EXOC3L4: variants seen among roughly 807,000 people sequenced by gnomAD.
The protein encoded by EXOC3L4 is exocyst complex component 3-like protein 4.
In EXOC3L4, 62 loss-of-function variants were observed where a neutral mutation model predicts 69.7. The observed-to-expected ratio is 0.89, with a 90% CI of 0.72 to 1.10. The LOEUF (loss-of-function observed/expected upper bound fraction) is 1.10. Ranked by LOEUF, EXOC3L4 falls within the 50% of genes least tolerant of loss-of-function variation. The probability of loss-of-function intolerance (pLI) is 0.00; values close to 1 mark genes in which losing one functional copy is unlikely to be tolerated. For missense variants in EXOC3L4, 1,087 were observed against 1,034.8 expected, an observed-to-expected ratio of 1.05 and a Z score of -0.69; for synonymous variants, 502 against 464.2, an observed-to-expected ratio of 1.08 and a Z score of -1.05.
In EXOC3L4 at chr14:103,106,797, C is replaced by T; in HGVS notation, c.1479C>T (p.Leu493=). ...GGCCCCTCCCCAGGACCAGTCTTCT[C>T]TCCAGGTTCCCAGGAACCCAAGAGG... ...NACEELRTSL[L]SRFPGTQEEL... is the part of the protein sequence containing the mutation. Residue 493 remains leucine, a synonymous_variant, in exon 8 of 12, where the codon CTC becomes CTT. Transcript: ENST00000688303. The T allele has an allele frequency of 6.3e-7, 1 of 1,583,902 alleles. No homozygotes were observed. The highest frequency in any genetic ancestry group is 2.3e-5 in the East Asian group (1 of 44,106).
At position 103,104,854 on chromosome 14, in the gene EXOC3L4, C is replaced by T. The variant is rs1890444346; in HGVS notation, c.1385+16C>T. 6.6e-7 allele frequency: 1 copy of T among 1,512,822 alleles called. No individual in the cohort carries two copies. Among genetic ancestry groups the T allele is most frequent in the East Asian group, 2.4e-5 (1 of 41,096 alleles). The allele number at this position is 1,512,822 out of a possible 1,614,324, so 93.7% of individuals were successfully genotyped here. The stretch of plus-strand genomic sequence containing the variant: ...TCGTGCCCAGGTGCGGACGCATCCT[C>T]AGTAGGGGAGCGACCTGGCCGGGTG... On this transcript the variant is annotated intron_variant, in intron 6 of 11. Transcript: ENST00000688303.
upstream of EXOC3L4, among the ~76,000 whole-genome samples, chr14:103,094,323 T>G (rs1477182308): frequency 6.6e-6 from 1 of 152,192 alleles, no homozygotes. Context: ...CGGGATGAAC[T>G]CGATGGACTG....
At chr14:103,106,693 T>C (rs909895239) in intron 7 of EXOC3L4, 92 bp from the exon 8 acceptor site, 5 of 733,188 alleles carry the variant, frequency 6.8e-6, no homozygotes, top group Non-Finnish European at 8.8e-6. Context: ...CCCTTCACAT[T>C]GTAGTCTAAG....
chr14:103,104,798 C>T lies in EXOC3L4; in HGVS notation c.1345C>T (p.Leu449=), dbSNP rs1890440210. Residue 449 remains leucine, a synonymous_variant, in exon 6 of 12, where the codon CTG becomes TTG. Coordinates refer to ENST00000688303, the MANE Select transcript of EXOC3L4 (RefSeq NM_001077594.2). ...CTCCGCGGAGCTGGAGGCCACCACCCTGCGAATCTGCACGCGGGCGCTCGG... is the reference window on the plus strand; with the variant it reads ...CTCCGCGGAGCTGGAGGCCACCACCTTGCGAATCTGCACGCGGGCGCTCGG... ...AISAELEATT[L]RICTRALGLF... is the part of the protein sequence containing the mutation. 6.6e-7 allele frequency: 1 copy of T among 1,525,032 alleles called. No homozygotes were observed. Among genetic ancestry groups the T allele is most frequent in the Non-Finnish European group, 8.8e-7 (1 of 1,131,762 alleles). The allele number at this position is 1,525,032 out of a possible 1,614,324, so 94.5% of individuals were successfully genotyped here. A position where few individuals can be genotyped will look rare whatever the true frequency, so the allele number is the denominator to read the frequency against.
Position 103,104,306 on chromosome 14 carries a change from G to A in EXOC3L4, c.1201G>A (p.Glu401Lys), listed in dbSNP as rs780560400. 1.3e-6 allele frequency: 2 copies of A among 1,596,670 alleles called. No individual in the cohort carries two copies. The highest frequency in any genetic ancestry group is 2.7e-5 in the African/African-American group (2 of 74,092). ...ASCFDSILQL[E>K]QSHWAAAEVP... ...CTGCTTCGACAGCATCTTGCAGCTG[G>A]AGCAGAGTCACTGGGCGGCCGCCGA... Residue 401 changes from glutamate to lysine, a missense_variant, in exon 5 of 12, where the codon GAG becomes AAG. Glu to Lys is a moderately conservative substitution (Grantham distance 56). Transcript: ENST00000688303.
At chr14:103,100,765 C>G (rs1890144599) in intron 2 of EXOC3L4, 152 bp downstream of exon 2, 9 of 1,102,446 alleles carry the variant, frequency 8.2e-6, no homozygotes, top group Middle Eastern at 3.1e-4. Context: ...GACAGGGTCT[C>G]CACTCTGTCA....
chr14:103,104,463 G>A, intron 5 of EXOC3L4, 74 bp downstream of exon 5: 3 of 1,430,490 alleles, frequency 2.1e-6, no homozygotes, highest in Non-Finnish European at 1.8e-6. Context: ...TTTCCAGAAC[G>A]AATTCCTATC....
At position 103,103,793 on chromosome 14, in the gene EXOC3L4, CGCGCGTGTGTGTGTGTGTGT is replaced by C. The variant is rs1890357987; in HGVS notation, c.1050-146_1050-127del. The C allele has an allele frequency of 1.3e-5, 6 of 454,132 alleles. No individual in the cohort carries two copies. The East Asian group carries it at 1.7e-4, about 13-fold the overall frequency. 28.1% of individuals were successfully genotyped at this position (454,132 alleles called of 1,614,324 possible). A position where few individuals can be genotyped will look rare whatever the true frequency, so the allele number is the denominator to read the frequency against. Reference sequence around the variant, plus strand: ...TGTGGCATGGCAGCCTAGAGGCGCGCGCGCGTGTGTGTGTGTGTGTGTGTGTGTGTGTGTGTACAGATGCC... The same window carrying C: ...TGTGGCATGGCAGCCTAGAGGCGCGCGTGTGTGTGTGTGTGTACAGATGCC... On this transcript the variant is annotated intron_variant, in intron 3 of 11. Coordinates refer to ENST00000688303, the MANE Select transcript of EXOC3L4 (RefSeq NM_001077594.2).
In EXOC3L4 at chr14:103,103,048, G is replaced by C. The variant is rs139660766; in HGVS notation, c.1049+276G>C. 4.8e-3 allele frequency among the ~76,000 whole-genome samples: 726 copies of C among 152,318 alleles called. 7 individuals carry two copies. Among genetic ancestry groups the C allele is most frequent in the African/African-American group, 0.017 (699 of 41,570 alleles). ...AGCAGGGCCTGTGCTGGTTCCACCA[G>C]GTGCCTTTGGGCGCATCAGAAAAGG... On this transcript the variant is annotated intron_variant, in intron 3 of 11. Coordinates refer to ENST00000688303, the MANE Select transcript of EXOC3L4 (RefSeq NM_001077594.2).
In EXOC3L4 at chr14:103,104,070, A is replaced by G; in HGVS notation, c.1161+18A>G. The G allele has an allele frequency of 6.5e-7, 1 of 1,536,402 alleles. No individual in the cohort carries two copies. On this transcript the variant is annotated intron_variant, in intron 4 of 11. Coordinates refer to ENST00000688303, the MANE Select transcript of EXOC3L4 (RefSeq NM_001077594.2). ...TCCTGGAGGTCAGGCCGGGCGGGTCAGGCTGGGCGGGCCAGGCTGGAGGGG... is the reference window on the plus strand; with the variant it reads ...TCCTGGAGGTCAGGCCGGGCGGGTCGGGCTGGGCGGGCCAGGCTGGAGGGG...
At chr14:103,107,032 G>A (rs1309182369) in intron 8 of EXOC3L4, 133 bp downstream of exon 8, 3 of 792,042 alleles carry the variant, frequency 3.8e-6, no homozygotes. Flanking sequence ...TAGGGTAGTG[G>A]GCAGGGGACC....
Position 103,100,199 on chromosome 14 carries a change from C to A in EXOC3L4, c.-16-5C>A. 6.4e-7 allele frequency: 1 copy of A among 1,551,658 alleles called. No individual in the cohort carries two copies. Among genetic ancestry groups the A allele is most frequent in the East Asian group, 2.3e-5 (1 of 43,570 alleles). ...GCTCCTATGGCCACTCCTTCTTGCC[C>A]CCAGCTCTCCTGCTGCCAAGATGCC... On this transcript the variant is annotated splice_region_variant and splice_polypyrimidine_tract_variant and intron_variant, in intron 1 of 11. Transcript: ENST00000688303.
intron 5 of EXOC3L4, 28 bp downstream of exon 5, chr14:103,104,417 G>A (rs1402140004): frequency 3.3e-6 from 5 of 1,530,736 alleles, no homozygotes; most frequent in East Asian, 2.5e-5. Context: ...GGGCTGAGAA[G>A]GGGCGTCTGT....
intron 1 of EXOC3L4, among the ~76,000 whole-genome samples, chr14:103,099,567 C>T (rs2139467061): frequency 6.6e-6 from 1 of 152,356 alleles, no homozygotes; most frequent in South Asian, 2.1e-4. Context: ...GGCTGCATGG[C>T]CATGATAAGC....
At position 103,110,035 on chromosome 14, in the gene EXOC3L4, G is replaced by A; in HGVS notation, c.1981G>A (p.Asp661Asn). 6.3e-7 allele frequency: 1 copy of A among 1,594,580 alleles called. No individual in the cohort carries two copies. Among genetic ancestry groups the A allele is most frequent in the Non-Finnish European group, 8.5e-7 (1 of 1,171,582 alleles). ...AGTGCCCGCATGTCTCTGCAGGCGG[G>A]ACCACATACTGGCCATTCTGGCGCT... ...LIRSYPDIRR[D>N]HILAILALRR... is the part of the protein sequence containing the mutation. The change falls in exon 12 of 12, where the codon GAC becomes AAC. Residue 661 changes from aspartate to asparagine, a missense_variant. Physicochemically the swap from Asp to Asn is conservative, Grantham distance 23. Transcript: ENST00000688303.
chr14:103,108,339 A>G, intron 10 of EXOC3L4, 57 bp from the exon 11 acceptor site: 1 of 1,593,860 alleles, frequency 6.3e-7, no homozygotes, highest in Non-Finnish European at 8.6e-7. Flanking sequence ...CTCTTGCAGG[A>G]GTTGGAGCAG....
intron 3 of EXOC3L4, 21 bp from the exon 4 acceptor site, chr14:103,103,920 G>T: frequency 1.3e-6 from 2 of 1,514,182 alleles, no homozygotes; most frequent in South Asian, 1.2e-5. Context: ...CCCGCCCCCA[G>T]CCCCCTGCCC....
Position 103,102,286 on chromosome 14 carries a change from G to C in EXOC3L4, c.563G>C (p.Gly188Ala), listed in dbSNP as rs141492907. The C allele has an allele frequency of 1.0e-3, 1,653 of 1,578,412 alleles. 21 individuals carry two copies. The African/African-American group carries it at 0.02, about 19-fold the overall frequency. ...RAMDVCLLYD[G>A]LAAEIGAIVR... The stretch of plus-strand genomic sequence containing the variant: ...ATGGACGTGTGCCTGCTTTACGACG[G>C]GCTGGCAGCCGAGATCGGCGCCATC... Residue 188 changes from glycine to alanine, a missense_variant, in exon 3 of 12, where the codon GGG (glycine) becomes GCG (alanine). By Grantham distance (60) the Gly-to-Ala change is moderately conservative. Transcript: ENST00000688303.
chr14:103,110,177 A>C lies in EXOC3L4; in HGVS notation c.2123A>C (p.Glu708Ala). The change falls in exon 12 of 12, where the codon GAG (glutamate) becomes GCG (alanine). Residue 708 changes from glutamate (E) to alanine (A), a missense_variant. Physicochemically the swap from Glu to Ala is moderately radical, Grantham distance 107. Coordinates refer to ENST00000688303, the MANE Select transcript of EXOC3L4 (RefSeq NM_001077594.2). The part of the protein sequence containing the change: ...EAPRGRVLFE[E>A]IKVPSAMAVL... ...CCTCGGGGCCGCGTGCTCTTCGAGG[A>C]GATCAAGGTGCCCAGTGCCATGGCT... 6.5e-7 allele frequency: 1 copy of C among 1,529,344 alleles called. No individual in the cohort carries two copies. Among genetic ancestry groups the C allele is most frequent in the Non-Finnish European group, 8.8e-7 (1 of 1,136,588 alleles). The allele number at this position is 1,529,344 out of a possible 1,614,324, so 94.7% of individuals were successfully genotyped here. A position where few individuals can be genotyped will look rare whatever the true frequency, so the allele number is the denominator to read the frequency against.
Sources: allele counts gnomAD v4.1 joint callset (sites outside exome capture counted in the v4.1 genomes callset), GRCh38; gene constraint gnomAD v4.1.1; transcripts MANE v1.5; gene names NCBI Gene and HGNC (gene_info 2026-07-23, HGNC 2026-07-21).